Variants in DMD observed in about 807,000 individuals in gnomAD.
The protein encoded by DMD is dystrophin, also known as mutant dystrophin.
A neutral mutation model predicts 330.1 loss-of-function variants in DMD; 63 were observed. The observed-to-expected ratio is 0.19, with a 90% CI of 0.16 to 0.24. DMD has a LOEUF of 0.24. Ranked by LOEUF, DMD falls within the 10% of genes least tolerant of loss-of-function variation. DMD has a pLI of 1.00. For synonymous variants in DMD, 1,223 were observed against 959.8 expected (o/e 1.27, Z -5.07); for missense variants, 3,344 against 2,684.1 (o/e 1.25, Z -5.43).
intron 64 of DMD, among the ~76,000 whole-genome samples, chrX:31,212,168 G>A (rs4829213): frequency 0.42 from 33,016 of 78,293 alleles, 5,586 homozygotes; most frequent in Non-Finnish European, 0.52. Context: ...ATATATATAT[G>A]TGTGTGTGTA....
In DMD at chrX:32,137,498, C is replaced by CTGAT. The variant is rs746872801; in HGVS notation, c.6438+79414_6438+79417dup. On this transcript the variant is annotated intron_variant, in intron 44 of 78. Transcript: ENST00000357033. ...ACTCACACACAAAGATAGTGAATGA[C>CTGAT]TGATAAGGAGAACCTGGCCAGGCAT... 1.6e-3 allele frequency among the ~76,000 whole-genome samples: 177 copies of CTGAT among 111,787 alleles called. 1 individual carries two copies. The highest frequency in any genetic ancestry group is 0.014 in the Admixed American group (146 of 10,523).
chrX:32,195,617 A>C (rs755053465), intron 44 of DMD, among the ~76,000 whole-genome samples: 1 of 112,553 alleles, frequency 8.9e-6, no homozygotes, highest in Non-Finnish European at 1.9e-5. Flanking sequence ...ATAAATGTAC[A>C]TTTTGTGGGA....
intron 30 of DMD, among the ~76,000 whole-genome samples, chrX:32,397,615 G>A (rs1051314982): frequency 8.9e-6 from 1 of 111,909 alleles, no homozygotes; most frequent in African/African-American, 3.2e-5. Context: ...AATAAAACAA[G>A]TGAAATCGAA....
intron 1 of DMD, among the ~76,000 whole-genome samples, chrX:33,140,254 A>G (rs765351379): frequency 2.6e-4 from 29 of 112,035 alleles, no homozygotes; most frequent in Middle Eastern, 9.4e-3. Context: ...TTCTTTTAAG[A>G]TTATGAATGT....
intron 18 of DMD, among the ~76,000 whole-genome samples, chrX:32,502,565 G>C (rs749483894): frequency 8.9e-6 from 1 of 111,942 alleles, no homozygotes; most frequent in Non-Finnish European, 1.9e-5. Flanking sequence ...CTATGACAGA[G>C]TAGAACTACA....
At chrX:32,763,439 T>C (rs1217794032) in intron 7 of DMD, among the ~76,000 whole-genome samples, 2 of 111,755 alleles carry the variant, frequency 1.8e-5, no homozygotes, top group Non-Finnish European at 3.8e-5. Flanking sequence ...CTGTAGATAG[T>C]GTCAGAGATG....
chrX:33,084,600 A>G (rs1422523725), intron 1 of DMD, among the ~76,000 whole-genome samples: 2 of 111,217 alleles, frequency 1.8e-5, no homozygotes, highest in Non-Finnish European at 3.8e-5. Flanking sequence ...CAGTTTATTG[A>G]TATGGGTAGT....
intron 57 of DMD, among the ~76,000 whole-genome samples, chrX:31,479,319 G>T (rs962353913): frequency 8.9e-5 from 10 of 111,779 alleles, no homozygotes; most frequent in African/African-American, 2.3e-4. Context: ...CTGGGGAGAT[G>T]GGGGGAGCAT....
intron 45 of DMD, 66 bp from the exon 46 acceptor site, chrX:31,932,293 C>G: frequency 1.2e-6 from 1 of 829,311 alleles, no homozygotes; most frequent in Non-Finnish European, 1.8e-6. Flanking sequence ...TTTGTTAATG[C>G]AAACTGGGAC....
At chrX:32,832,852 C>A (rs749013981) in intron 4 of DMD, among the ~76,000 whole-genome samples, 49 of 111,536 alleles carry the variant, frequency 4.4e-4, no homozygotes, top group Admixed American at 2.2e-3. Context: ...CATATTGCCA[C>A]TGTGGACCTG....
intron 7 of DMD, among the ~76,000 whole-genome samples, chrX:32,711,306 G>A (rs2065167286): frequency 9.0e-6 from 1 of 110,965 alleles, no homozygotes; most frequent in Non-Finnish European, 1.9e-5. Context: ...ACTAGCAGGG[G>A]CCTGTCTTTC....
chrX:33,194,539 C>T (rs1312459438), intron 1 of DMD, among the ~76,000 whole-genome samples: 1 of 111,353 alleles, frequency 9.0e-6, no homozygotes, highest in Non-Finnish European at 1.9e-5. Context: ...GATACTATAT[C>T]GCATCTTTTC....
intron 1 of DMD, among the ~76,000 whole-genome samples, chrX:33,108,610 T>C (rs1287499164): frequency 9.5e-6 from 1 of 104,865 alleles, no homozygotes; most frequent in Non-Finnish European, 2.0e-5. Context: ...CCGCGGTGGC[T>C]CACCCCTGTA....
chrX:31,953,299 C>T (rs772639443), intron 45 of DMD, among the ~76,000 whole-genome samples: 32 of 111,975 alleles, frequency 2.9e-4, no homozygotes, highest in African/African-American at 1.0e-3. Context: ...GCCTAGGTCT[C>T]CACCGTTACT....
chrX:33,155,778 G>C lies in DMD; in HGVS notation c.31+55504C>G, dbSNP rs2048480784. 1.8e-5 allele frequency among the ~76,000 whole-genome samples: 2 copies of C among 108,434 alleles called. 1 individual carries two copies. The highest frequency in any genetic ancestry group is 8.8e-3 in the Middle Eastern group (2 of 226). The allele number at this position is 108,434 out of a possible 115,157, so 94.2% of individuals were successfully genotyped here. A position where few individuals can be genotyped will look rare whatever the true frequency, so the allele number is the denominator to read the frequency against. On this transcript the variant is annotated intron_variant, in intron 1 of 78. Coordinates refer to ENST00000357033, the MANE Select transcript of DMD (RefSeq NM_004006.3). ...GTTTGAGACCAGCCTGGGCAACACAGGGAGATGCCATCTCTACAAAGAAAA... is the reference window on the plus strand; with the variant it reads ...GTTTGAGACCAGCCTGGGCAACACACGGAGATGCCATCTCTACAAAGAAAA...
chrX:31,649,950 GC>G (rs975649556), intron 54 of DMD, among the ~76,000 whole-genome samples: 3 of 109,681 alleles, frequency 2.7e-5, no homozygotes, highest in African/African-American at 1.0e-4. Context: ...GTCATTTGTA[GC>G]TTTAAATTTA....
At position 32,471,677 on chromosome X, in the gene DMD, C is replaced by T. The variant is rs187329699; in HGVS notation, c.2949+487G>A. On this transcript the variant is annotated intron_variant, in intron 22 of 78. Transcript: ENST00000357033. Reference sequence around the variant, plus strand: ...GAGTTAAAGTATATGGGAGCATGTTCATAAGTTATATGCAAATATTACACC... The same window carrying T: ...GAGTTAAAGTATATGGGAGCATGTTTATAAGTTATATGCAAATATTACACC... 2.7e-5 allele frequency among the ~76,000 whole-genome samples: 3 copies of T among 111,651 alleles called. No homozygotes were observed. The East Asian group carries it at 8.5e-4, about 32-fold the overall frequency.
intron 54 of DMD, among the ~76,000 whole-genome samples, chrX:31,651,408 CAATT>C (rs2080444279): frequency 9.0e-6 from 1 of 111,207 alleles, no homozygotes; most frequent in African/African-American, 3.3e-5. Context: ...AGAAGAGAGA[CAATT>C]AAGAATGGAA....
intron 52 of DMD, among the ~76,000 whole-genome samples, chrX:31,726,043 T>C (rs867332156): frequency 8.9e-6 from 1 of 112,015 alleles, no homozygotes; most frequent in East Asian, 2.8e-4. Flanking sequence ...CCAGGAATGA[T>C]TGACAAATTC....
Sources: gnomAD v4.1 joint callset for allele counts (sites outside exome capture counted in the v4.1 genomes callset) on GRCh38, gnomAD v4.1.1 for gene constraint, MANE v1.5 for transcripts, NCBI Gene and HGNC (gene_info 2026-07-23, HGNC 2026-07-21) for gene names.